Variants in KIFC2 observed in about 807,000 individuals in gnomAD.
KIFC2 encodes kinesin-like protein KIFC2.
KIFC2 carries 94 observed loss-of-function variants against 91.5 expected under a neutral mutation model. That is an observed-to-expected ratio of 1.03 (90% CI 0.87 to 1.22). KIFC2 has a LOEUF of 1.22. Ranked by LOEUF, KIFC2 falls within the 50% of genes most tolerant of loss-of-function variation. The probability of loss-of-function intolerance (pLI) is 0.00; values close to 1 mark genes in which losing one functional copy is unlikely to be tolerated. For missense variants in KIFC2, 1,357 were observed against 1,103.3 expected (o/e 1.23, Z -3.26); for synonymous variants, 729 against 503.9 (o/e 1.45, Z -5.98).
At position 144,469,474 on chromosome 8, in the gene KIFC2, C is replaced by G; in HGVS notation, c.1223-16C>G. 6.2e-7 allele frequency: 1 copy of G among 1,613,962 alleles called. No individual in the cohort carries two copies. The highest frequency in any genetic ancestry group is 8.5e-7 in the Non-Finnish European group (1 of 1,180,020). On this transcript the variant is annotated splice_polypyrimidine_tract_variant and intron_variant, in intron 11 of 17. Transcript: ENST00000645548. ...AGGGTCTGCGAGGCATTATGCTGAC[C>G]TGATCCCCACTGCAGGAAATATCCG...
chr8:144,469,233 G>T (rs1383705651), intron 10 of KIFC2, 38 bp from the exon 11 acceptor site: 4 of 1,525,044 alleles, frequency 2.6e-6, no homozygotes, highest in African/African-American at 1.4e-5. Flanking sequence ...CAGCTCCTTG[G>T]CTGACCCCTT....
chr8:144,468,449 G>A (rs1824782609), intron 8 of KIFC2, 43 bp downstream of exon 8: 2 of 1,600,822 alleles, frequency 1.2e-6, no homozygotes, highest in Non-Finnish European at 1.7e-6. Flanking sequence ...GGGTGAGGCG[G>A]GCTGGGGTTT....
In KIFC2 at chr8:144,473,793, G is replaced by A; in HGVS notation, c.*404G>A. On this transcript the variant is annotated 3_prime_UTR_variant, in exon 18 of 18. Coordinates refer to ENST00000645548, the MANE Select transcript of KIFC2 (RefSeq NM_001369769.2). ...CACCACCAGGACCATGTAGGGTGCA[G>A]TCTTTACTCCCTAACCCGTTTCCCG... is the stretch of plus-strand genomic sequence containing the variant. The A allele has an allele frequency of 2.7e-6, 1 of 376,154 alleles. No individual in the cohort carries two copies. Among genetic ancestry groups the A allele is most frequent in the South Asian group, 5.5e-5 (1 of 18,300 alleles). The allele number at this position is 376,154 out of a possible 1,614,324, so 23.3% of individuals were successfully genotyped here. A position where few individuals can be genotyped will look rare whatever the true frequency, so the allele number is the denominator to read the frequency against.
At position 144,466,416 on chromosome 8, in the gene KIFC2, T is replaced by G. The variant is rs1041946198; in HGVS notation, c.-4T>G. 7.0e-6 allele frequency: 9 copies of G among 1,292,078 alleles called. No homozygotes were observed. The Admixed American group carries it at 2.0e-4, about 29-fold the overall frequency. 80.0% of individuals were successfully genotyped at this position (1,292,078 alleles called of 1,614,324 possible). The stretch of plus-strand genomic sequence containing the variant: ...AGCGGGGCCCTCTGCCGCCCCGCGC[T>G]CCCATGTACGCCTTTTACTCGTTGC... On this transcript the variant is annotated 5_prime_UTR_variant, in exon 1 of 18. Transcript: ENST00000645548.
At chr8:144,472,325 G>T in intron 14 of KIFC2, 36 bp from the exon 15 acceptor site, 1 of 1,613,476 alleles carries the variant, frequency 6.2e-7, no homozygotes, top group South Asian at 1.1e-5. Flanking sequence ...GATTTCCAGA[G>T]AATTCTGGAA....
Position 144,472,655 on chromosome 8 carries a change from G to A in KIFC2, c.1810G>A (p.Val604Ile), listed in dbSNP as rs767922537. 6.9e-6 allele frequency: 11 copies of A among 1,599,692 alleles called. No individual in the cohort carries two copies. In the East Asian group the frequency reaches 2.2e-4, roughly 32 times the overall value. Residue 604 changes from valine to isoleucine, a missense_variant, in exon 16 of 18, where the codon GTC becomes ATC. Physicochemically the swap from Val to Ile is conservative, Grantham distance 29 (BLOSUM62 3). Transcript: ENST00000645548. ...GCGCAGCTCCCGCTCGCATGCCCTG[G>A]TCACGCTGACGCTGCGCGCGGCGTC... ...NQRSSRSHAL[V>I]TLTLRAASPP...
At position 144,468,320 on chromosome 8, in the gene KIFC2, C is replaced by T. The variant is rs774493241; in HGVS notation, c.811-9C>T. On this transcript the variant is annotated splice_polypyrimidine_tract_variant and intron_variant, in intron 7 of 17. Coordinates refer to ENST00000645548, the MANE Select transcript of KIFC2 (RefSeq NM_001369769.2). The stretch of plus-strand genomic sequence containing the variant: ...CTCTGAGTCCCTCCTGGCCCCCACC[C>T]TCCCGCAGGAGGAGGCAGAGGCATT... 9 of 1,606,266 alleles carry T rather than the reference C, an allele frequency of 5.6e-6. No homozygotes were observed. In the Admixed American group the frequency reaches 1.4e-4, roughly 24 times the overall value.
chr8:144,466,911 T>C (rs1223287995), intron 2 of KIFC2, 48 bp from the exon 3 acceptor site: 3 of 1,565,826 alleles, frequency 1.9e-6, no homozygotes, highest in Admixed American at 1.8e-5. Flanking sequence ...GAGGCCTGGC[T>C]CAAGCACGTG....
At chr8:144,470,003 G>A (rs1182642878) in intron 12 of KIFC2, among the ~76,000 whole-genome samples, 2 of 152,232 alleles carry the variant, frequency 1.3e-5, no homozygotes, top group Non-Finnish European at 2.9e-5. Context: ...GCCTTGCCTG[G>A]ATCCCACTCT....
intron 4 of KIFC2, 60 bp from the exon 5 acceptor site, chr8:144,467,425 T>C (rs1824716181): frequency 1.3e-6 from 2 of 1,542,272 alleles, no homozygotes; most frequent in Admixed American, 2.0e-5. Flanking sequence ...TTCGGGGTCA[T>C]GTTCCGGAAG....
chr8:144,471,287 T>A (rs1238641540), intron 12 of KIFC2, among the ~76,000 whole-genome samples: 1 of 151,816 alleles, frequency 6.6e-6, no homozygotes, highest in Admixed American at 6.6e-5. Context: ...TAAACATTTT[T>A]AAAATTTTTT....
In KIFC2 at chr8:144,467,192, C is replaced by T. The variant is rs540115052; in HGVS notation, c.331-11C>T. ...TTCACAGCCCTGCTCGGATTCTTGT[C>T]TCCTTCGCAGTCTGGCGAGGTCCCC... On this transcript the variant is annotated splice_polypyrimidine_tract_variant and intron_variant, in intron 3 of 17. Coordinates refer to ENST00000645548, the MANE Select transcript of KIFC2 (RefSeq NM_001369769.2). The T allele has an allele frequency of 2.4e-5, 38 of 1,613,544 alleles. No homozygotes were observed. In the Admixed American group the frequency reaches 3.8e-4, roughly 16 times the overall value.
At position 144,469,520 on chromosome 8, in the gene KIFC2, C is replaced by T. The variant is rs1824841677; in HGVS notation, c.1253C>T (p.Pro418Leu). ...GNIRVLCRLR[P>L]GTSSSLVSVE... ...ATCCGTGTGCTGTGTCGGCTGAGGC[C>T]AGGGACATCTTCTAGCCTTGTGAGT... The change falls in exon 12 of 18, where the codon CCA becomes CTA. Residue 418 changes from proline (P) to leucine (L), a missense_variant. Coordinates refer to ENST00000645548, the MANE Select transcript of KIFC2 (RefSeq NM_001369769.2). 6.2e-7 allele frequency: 1 copy of T among 1,614,010 alleles called. No individual in the cohort carries two copies. Among genetic ancestry groups the T allele is most frequent in the Non-Finnish European group, 8.5e-7 (1 of 1,180,014 alleles).
Position 144,467,688 on chromosome 8 carries a change from A to G in KIFC2, c.616-26A>G, listed in dbSNP as rs749229559. The stretch of plus-strand genomic sequence containing the variant: ...CTGGGACGCCAGAAAAAGGAGGTCC[A>G]CCCTGTCTCTCTTACTTCTCCCCAG... On this transcript the variant is annotated intron_variant, in intron 5 of 17. Transcript: ENST00000645548. 4.3e-6 allele frequency: 7 copies of G among 1,612,554 alleles called. 1 individual carries two copies. Among genetic ancestry groups the G allele is most frequent in the Non-Finnish European group, 3.4e-6 (4 of 1,179,342 alleles).
At position 144,473,576 on chromosome 8, in the gene KIFC2, G is replaced by A; in HGVS notation, c.*187G>A. On this transcript the variant is annotated 3_prime_UTR_variant, in exon 18 of 18. Coordinates refer to ENST00000645548, the MANE Select transcript of KIFC2 (RefSeq NM_001369769.2). ...TGAAGTGTGTTGTGCCTGCTGAAGT[G>A]ATCACCCCCCGCCCCCAGCCCTGCA... 2.3e-6 allele frequency: 2 copies of A among 864,102 alleles called. No homozygotes were observed. Among genetic ancestry groups the A allele is most frequent in the Non-Finnish European group, 3.3e-6 (2 of 597,982 alleles). 53.5% of individuals were successfully genotyped at this position (864,102 alleles called of 1,614,324 possible). A position where few individuals can be genotyped will look rare whatever the true frequency, so the allele number is the denominator to read the frequency against.
intron 12 of KIFC2, 40 bp from the exon 13 acceptor site, chr8:144,471,902 C>G (rs548897504): frequency 6.3e-7 from 1 of 1,583,712 alleles, no homozygotes; most frequent in African/African-American, 1.3e-5. Flanking sequence ...AAACAGGCAA[C>G]GTGGGGAGGA....
chr8:144,468,028 G>A (rs1474053368), intron 7 of KIFC2, 41 bp downstream of exon 7: 15 of 1,496,926 alleles, frequency 1.0e-5, no homozygotes, highest in Non-Finnish European at 1.3e-5. Flanking sequence ...GCAGCCTGGG[G>A]CTCTTGCACA....
chr8:144,473,556 T>C lies in KIFC2; in HGVS notation c.*167T>C. ...CCCTCCACCTCCGCAGCCAGTGAAG[T>C]GTGTTGTGCCTGCTGAAGTGATCAC... On this transcript the variant is annotated 3_prime_UTR_variant, in exon 18 of 18. Transcript: ENST00000645548. 9.0e-7 allele frequency: 1 copy of C among 1,107,088 alleles called. No individual in the cohort carries two copies. Among genetic ancestry groups the C allele is most frequent in the Non-Finnish European group, 1.2e-6 (1 of 810,316 alleles). 68.6% of individuals were successfully genotyped at this position (1,107,088 alleles called of 1,614,324 possible).
In KIFC2 at chr8:144,467,868, G is replaced by A. The variant is rs1297193866; in HGVS notation, c.691G>A (p.Asp231Asn). ...GTTTCCTCTCCACCAGGGGGCGACG[G>A]ACTCAGAGAAAAGGGTTCAGCATCT... Reference protein sequence around the residue: ...GRLRLGVGATDSEKRVQHLTL... With the variant: ...GRLRLGVGATNSEKRVQHLTL... The change falls in exon 7 of 18, where the codon GAC (aspartate) becomes AAC (asparagine). Residue 231 changes from aspartate (D) to asparagine (N), a missense_variant. Physicochemically the swap from Asp to Asn is conservative, Grantham distance 23. Coordinates refer to ENST00000645548, the MANE Select transcript of KIFC2 (RefSeq NM_001369769.2). 2 of 1,613,464 alleles carry A rather than the reference G, an allele frequency of 1.2e-6. No homozygotes were observed. The highest frequency in any genetic ancestry group is 1.7e-5 in the Admixed American group (1 of 59,974).
Sources: allele counts gnomAD v4.1 joint callset (sites outside exome capture counted in the v4.1 genomes callset), GRCh38; gene constraint gnomAD v4.1.1; transcripts MANE v1.5; gene names NCBI Gene and HGNC (gene_info 2026-07-23, HGNC 2026-07-21).